Variants in PRKCZ observed in about 807,000 individuals in gnomAD.
PRKCZ encodes the protein protein kinase C zeta type.
Under a neutral mutation model 79.5 loss-of-function variants are expected in PRKCZ, and 33 were observed. The ratio of observed to expected loss-of-function variants is 0.41; its 90% CI spans 0.31 to 0.55. PRKCZ has a LOEUF of 0.55. PRKCZ is among the 20% of genes least tolerant of loss of function. PRKCZ has a pLI of 0.19. For synonymous variants in PRKCZ, 342 were observed against 320.9 expected, an observed-to-expected ratio of 1.07 and a Z score of -0.70; for missense variants, 578 against 813.5, an observed-to-expected ratio of 0.71 and a Z score of 3.52.
intron 5 of PRKCZ, among the ~76,000 whole-genome samples, chr1:2,138,942 C>T (rs1676771820): frequency 6.6e-6 from 1 of 152,142 alleles, no homozygotes; most frequent in Non-Finnish European, 1.5e-5. Context: ...AAAGAAGAAA[C>T]CTAGAAGCTG....
chr1:2,118,342 GTT>G (rs35864868), intron 4 of PRKCZ, among the ~76,000 whole-genome samples: 1 of 135,438 alleles, frequency 7.4e-6, no homozygotes, highest in Admixed American at 7.4e-5. Flanking sequence ...AAATGTTTTT[GTT>G]TTTTTTTTTT....
At chr1:2,102,478 G>A (rs566847777) in intron 4 of PRKCZ, among the ~76,000 whole-genome samples, 102 of 151,854 alleles carry the variant, frequency 6.7e-4, no homozygotes, top group African/African-American at 2.1e-3. Flanking sequence ...GAGTACAGGC[G>A]CCCACCACCA....
At chr1:2,080,832 A>G (rs949115664) in intron 4 of PRKCZ, among the ~76,000 whole-genome samples, 1 of 151,950 alleles carries the variant, frequency 6.6e-6, no homozygotes, top group Non-Finnish European at 1.5e-5. Flanking sequence ...GACTTGCCTC[A>G]TTTTCAACGA....
chr1:2,095,990 G>A lies in PRKCZ; in HGVS notation c.334+36399G>A, dbSNP rs148879127. ...CTGCTGTGCCAGGGGCCAGGGCAGG[G>A]CTGGCCCCTCACTCTGCGGAGTAAA... On this transcript the variant is annotated intron_variant, in intron 4 of 17. Transcript: ENST00000378567. Among the ~76,000 whole-genome samples, 1,239 of 148,986 alleles carry A rather than the reference G, an allele frequency of 8.3e-3. 19 individuals are homozygous for A. The highest frequency in any genetic ancestry group is 0.029 in the African/African-American group (1,164 of 40,026).
In PRKCZ at chr1:2,055,446, T is replaced by A; in HGVS notation, c.77T>A (p.Ile26Asn). The A allele has an allele frequency of 6.2e-7, 1 of 1,611,764 alleles. No individual in the cohort carries two copies. The highest frequency in any genetic ancestry group is 8.5e-7 in the Non-Finnish European group (1 of 1,178,514). The change falls in exon 2 of 18, where the codon ATC becomes AAC. Residue 26 changes from isoleucine to asparagine, a missense_variant. Ile to Asn is a moderately radical substitution (Grantham distance 149, BLOSUM62 -3). This residue lies in a region of PRKCZ where 228 missense variants were observed against 211.6 expected (regional missense o/e 1.08). Coordinates refer to ENST00000378567, the MANE Select transcript of PRKCZ (RefSeq NM_002744.6). ...CCATGTCCCCTCTGCCCCAGGGACA[T>A]CTTCATCACCAGCGTGGACGCCGCC... ...VRLKAHYGGD[I>N]FITSVDAATT...
intron 16 of PRKCZ, among the ~76,000 whole-genome samples, chr1:2,175,531 C>A (rs1429905489): frequency 1.3e-5 from 2 of 149,058 alleles, no homozygotes; most frequent in African/African-American, 5.0e-5. Flanking sequence ...CAACCCCCAC[C>A]CCAATATCCA....
rs1021001231 is a variant in PRKCZ, at chr1:2,179,349, C to T, written c.1575+4036C>T. ...AAGGAACTGGGTCCAGACAGCACGTCCTGGCCTGGTGGCTGGGGCTGCCAC... is the reference window on the plus strand; with the variant it reads ...AAGGAACTGGGTCCAGACAGCACGTTCTGGCCTGGTGGCTGGGGCTGCCAC... On this transcript the variant is annotated intron_variant, in intron 16 of 17. Transcript: ENST00000378567. Among the ~76,000 whole-genome samples, 16 of 152,346 alleles carry T rather than the reference C, an allele frequency of 1.1e-4. No individual in the cohort carries two copies. The South Asian group carries it at 3.1e-3, about 30-fold the overall frequency.
At chr1:2,114,502 G>T (rs111342875) in intron 4 of PRKCZ, among the ~76,000 whole-genome samples, 1 of 152,210 alleles carries the variant, frequency 6.6e-6, no homozygotes, top group African/African-American at 2.4e-5. Context: ...ATGACTGGGC[G>T]CAGTGGCTCA....
chr1:2,053,276 G>T (rs1196294988), intron 1 of PRKCZ, among the ~76,000 whole-genome samples: 1 of 152,080 alleles, frequency 6.6e-6, no homozygotes, highest in Non-Finnish European at 1.5e-5. Context: ...AACTTTTGTA[G>T]TTTTAGTAGA....
chr1:2,154,032 C>G (rs938034900), intron 9 of PRKCZ, among the ~76,000 whole-genome samples: 5 of 152,218 alleles, frequency 3.3e-5, no homozygotes, highest in African/African-American at 9.6e-5. Context: ...GGAGGTTCCA[C>G]TCAGTTTGGG....
At chr1:2,182,680 C>T (rs910881234) in intron 16 of PRKCZ, 3 of 154,832 alleles carry the variant, frequency 1.9e-5, no homozygotes, top group South Asian at 2.0e-4. Flanking sequence ...AGCAGCGCGC[C>T]GTGACATCCT....
At chr1:2,143,861 G>A (rs746431300) in intron 5 of PRKCZ, 10 of 224,376 alleles carry the variant, frequency 4.5e-5, no homozygotes, top group Non-Finnish European at 3.6e-5. Flanking sequence ...GCTGCTCTAC[G>A]CAGAGCGCAG....
rs569652610 is a variant in PRKCZ at position 2,112,566 on chromosome 1, A to C, written c.335-22696A>C. On this transcript the variant is annotated intron_variant, in intron 4 of 17. Coordinates refer to ENST00000378567, the MANE Select transcript of PRKCZ (RefSeq NM_002744.6). ...GGAGCGGAGGTGAATGGGACCCCAC[A>C]CGTTTCCTCCTCCTTCTCTGGATGC... is the stretch of plus-strand genomic sequence containing the variant. Among the ~76,000 whole-genome samples, 75 of 152,222 alleles carry C rather than the reference A, an allele frequency of 4.9e-4. 2 individuals are homozygous for C. The highest frequency in any genetic ancestry group is 1.8e-3 in the African/African-American group (73 of 41,542).
At chr1:2,106,707 C>T (rs1212180055) in intron 4 of PRKCZ, among the ~76,000 whole-genome samples, 2 of 118,744 alleles carry the variant, frequency 1.7e-5, no homozygotes, top group Admixed American at 8.5e-5. Context: ...CTCCGGTGGG[C>T]GAGGACCTCC....
At chr1:2,080,932 G>A (rs1414809028) in intron 4 of PRKCZ, among the ~76,000 whole-genome samples, 19 of 152,194 alleles carry the variant, frequency 1.2e-4, no homozygotes, top group Non-Finnish European at 2.2e-4. Context: ...AAGGACTGGG[G>A]CCTTGTGTTT....
At chr1:2,110,327 G>A (rs966479311) in intron 4 of PRKCZ, among the ~76,000 whole-genome samples, 2 of 152,240 alleles carry the variant, frequency 1.3e-5, no homozygotes, top group Non-Finnish European at 2.9e-5. Context: ...GGGGGCCCCG[G>A]GCGTGATCAG....
Position 2,120,293 on chromosome 1 carries a change from G to GTTTTT in PRKCZ, c.335-14944_335-14940dup, listed in dbSNP as rs59518072. ...GGAAAATATCAGCCCTTGACTTTTC[G>GTTTTT]TTTTTTTTTTTTTTTTTTTTTTTTT... On this transcript the variant is annotated intron_variant, in intron 4 of 17. Transcript: ENST00000378567. Among the ~76,000 whole-genome samples the GTTTTT allele has an allele frequency of 6.7e-3, 219 of 32,836 alleles. 51 individuals are homozygous for GTTTTT. Among genetic ancestry groups the GTTTTT allele is most frequent in the Non-Finnish European group, 9.0e-3 (158 of 17,460 alleles). The allele number at this position is 32,836 out of a possible 152,430, so 21.5% of individuals were successfully genotyped here.
chr1:2,135,045 C>T (rs1166255947), intron 4 of PRKCZ: 2 of 466,100 alleles, frequency 4.3e-6, no homozygotes, highest in Non-Finnish European at 7.8e-6. Context: ...ACACCTGGGC[C>T]TCTGTCTCCA....
chr1:2,109,013 C>A (rs143457007), intron 4 of PRKCZ, among the ~76,000 whole-genome samples: 3 of 152,190 alleles, frequency 2.0e-5, no homozygotes, highest in Non-Finnish European at 4.4e-5. Flanking sequence ...CTCCGTCTCA[C>A]GTCACCGCCT....
Sources: gnomAD v4.1 joint callset for allele counts (sites outside exome capture counted in the v4.1 genomes callset) on GRCh38, gnomAD v4.1.1 for gene constraint, gnomAD v4.1.1 regional missense constraint, MANE v1.5 for transcripts, NCBI Gene and HGNC (gene_info 2026-07-23, HGNC 2026-07-21) for gene names.